ODAD2: variants seen among roughly 807,000 people sequenced by gnomAD.
ODAD2 encodes outer dynein arm-docking complex subunit 2.
In ODAD2, 89 loss-of-function variants were observed where a neutral mutation model predicts 106.8. The ratio of observed to expected loss-of-function variants is 0.83; its 90% CI spans 0.70 to 0.99. The LOEUF is 0.99. Ranked by LOEUF, ODAD2 falls within the 50% of genes least tolerant of loss-of-function variation. ODAD2 has a pLI of 0.00. For missense variants in ODAD2, 1,168 were observed against 1,238.5 expected, an observed-to-expected ratio of 0.94 and a Z score of 0.85; for synonymous variants, 404 against 436.2, an observed-to-expected ratio of 0.93 and a Z score of 0.92.
chr10:27,868,942 A>G (rs1251179474), intron 17 of ODAD2, among the ~76,000 whole-genome samples: 1 of 152,068 alleles, frequency 6.6e-6, no homozygotes, highest in Non-Finnish European at 1.5e-5. Context: ...GCACATTAGA[A>G]AGACATGCCT....
intron 18 of ODAD2, 48 bp from the exon 19 acceptor site, chr10:27,860,894 C>G: frequency 6.6e-7 from 1 of 1,509,246 alleles, no homozygotes; most frequent in South Asian, 1.1e-5. Context: ...AATGACCCTG[C>G]AAGATCATGT....
chr10:27,885,581 TATATAA>T (rs1470465279), intron 17 of ODAD2, among the ~76,000 whole-genome samples: 5 of 67,480 alleles, frequency 7.4e-5, no homozygotes, highest in Admixed American at 2.7e-4. Flanking sequence ...TATATATAAA[TATATAA>T]ATATAAATAT....
chr10:27,960,656 T>C (rs1848073734), intron 10 of ODAD2, among the ~76,000 whole-genome samples: 1 of 152,072 alleles, frequency 6.6e-6, no homozygotes, highest in Non-Finnish European at 1.5e-5. Context: ...TGCCAAAATA[T>C]TATTTATTTT....
intron 19 of ODAD2, among the ~76,000 whole-genome samples, chr10:27,825,970 A>C (rs1431958335): frequency 2.6e-5 from 4 of 152,166 alleles, no homozygotes; most frequent in Non-Finnish European, 5.9e-5. Context: ...TCCTCCAAGC[A>C]CCTCGCCTCT....
chr10:27,987,643 T>C (rs1849958351), intron 2 of ODAD2, 100 bp from the exon 3 acceptor site: 4 of 754,762 alleles, frequency 5.3e-6, no homozygotes, highest in East Asian at 5.5e-5. Context: ...TATCTCATTA[T>C]AAAATACAGA....
intron 17 of ODAD2, among the ~76,000 whole-genome samples, 191 bp from the exon 18 acceptor site, chr10:27,862,813 TAA>T (rs1452567390): frequency 2.6e-5 from 4 of 151,884 alleles, no homozygotes; most frequent in Non-Finnish European, 2.9e-5. Flanking sequence ...TACATATGTA[TAA>T]GTCTATATAC....
At chr10:27,971,381 G>T in intron 7 of ODAD2, 68 bp from the exon 8 acceptor site, 3 of 1,316,570 alleles carry the variant, frequency 2.3e-6, no homozygotes, top group African/African-American at 1.5e-5. Flanking sequence ...GAAGATTAAT[G>T]CCAGTGGTAA....
chr10:27,946,214 T>TA (rs943824306), intron 10 of ODAD2, among the ~76,000 whole-genome samples: 1 of 148,302 alleles, frequency 6.7e-6, no homozygotes, highest in African/African-American at 2.4e-5. Context: ...TATATAAATA[T>TA]AAAAAATACC....
intron 19 of ODAD2, among the ~76,000 whole-genome samples, chr10:27,843,422 A>G (rs1415230930): frequency 1.3e-5 from 2 of 152,232 alleles, no homozygotes; most frequent in Non-Finnish European, 2.9e-5. Context: ...CAACTGGCTG[A>G]TGCAGAGTGG....
chr10:27,833,452 G>A (rs962319948), intron 19 of ODAD2, among the ~76,000 whole-genome samples: 1 of 152,036 alleles, frequency 6.6e-6, no homozygotes, highest in African/African-American at 2.4e-5. Context: ...AAAATGCATC[G>A]TAGGAACTCA....
intron 2 of ODAD2, among the ~76,000 whole-genome samples, chr10:27,990,994 TGA>T (rs1447130965): frequency 6.6e-6 from 1 of 152,248 alleles, no homozygotes; most frequent in African/African-American, 2.4e-5. Context: ...TTTCACCATG[TGA>T]TTCTGAGCGC....
chr10:27,983,493 T>G (rs1588660437), intron 6 of ODAD2, among the ~76,000 whole-genome samples: 1 of 152,248 alleles, frequency 6.6e-6, no homozygotes, highest in African/African-American at 2.4e-5. Context: ...GGATGCAAGC[T>G]GCAGTTATGA....
At chr10:27,882,959 CA>C (rs1841848774) in intron 17 of ODAD2, among the ~76,000 whole-genome samples, 1 of 151,620 alleles carries the variant, frequency 6.6e-6, no homozygotes, top group Non-Finnish European at 1.5e-5. Flanking sequence ...ATAAGCATAC[CA>C]GTTGCAGTAA....
intron 16 of ODAD2, among the ~76,000 whole-genome samples, chr10:27,930,303 G>A (rs1845521418): frequency 6.6e-6 from 1 of 152,090 alleles, no homozygotes; most frequent in Non-Finnish European, 1.5e-5. Context: ...TAAGCACTTT[G>A]GAAGTTTGAG....
chr10:27,940,360 G>GAT (rs895453171), intron 13 of ODAD2, among the ~76,000 whole-genome samples: 29 of 151,036 alleles, frequency 1.9e-4, no homozygotes, highest in South Asian at 2.1e-4. Context: ...ATATGTGTGA[G>GAT]ATATATATAT....
chr10:27,978,839 C>A (rs185016198), intron 7 of ODAD2, among the ~76,000 whole-genome samples: 1 of 152,044 alleles, frequency 6.6e-6, no homozygotes, highest in Non-Finnish European at 1.5e-5. Context: ...ACTTCCTCAA[C>A]ATGCTAAAGG....
intron 19 of ODAD2, among the ~76,000 whole-genome samples, chr10:27,833,948 C>T (rs765219478): frequency 1.3e-5 from 2 of 152,146 alleles, no homozygotes; most frequent in East Asian, 3.9e-4. Flanking sequence ...CATTCCAAGC[C>T]GAGAAAGGAC....
intron 16 of ODAD2, among the ~76,000 whole-genome samples, chr10:27,910,901 C>T (rs1843964759): frequency 6.6e-6 from 1 of 152,112 alleles, no homozygotes; most frequent in Non-Finnish European, 1.5e-5. Flanking sequence ...AGTGGGTTCC[C>T]GTGAGCCTCT....
intron 19 of ODAD2, among the ~76,000 whole-genome samples, chr10:27,844,728 G>T (rs535009300): frequency 2.0e-5 from 3 of 152,258 alleles, no homozygotes; most frequent in African/African-American, 7.2e-5. Context: ...TGGCACACAG[G>T]AAGCTGAAAA....
Sources: gnomAD v4.1 joint callset for allele counts (sites outside exome capture counted in the v4.1 genomes callset) on GRCh38, gnomAD v4.1.1 for gene constraint, MANE v1.5 for transcripts, NCBI Gene and HGNC (gene_info 2026-07-23, HGNC 2026-07-21) for gene names.